Variants in VEPH1 observed in about 807,000 individuals in gnomAD.
VEPH1 encodes ventricular zone expressed PH domain containing 1.
In VEPH1, 80 loss-of-function variants were observed where a neutral mutation model predicts 85.2. The ratio of observed to expected loss-of-function variants is 0.94; its 90% CI spans 0.78 to 1.13. The LOEUF is 1.13. VEPH1 is among the 50% of genes most tolerant of loss of function. The pLI is 0.00. For synonymous variants in VEPH1, 297 were observed against 348.0 expected, an observed-to-expected ratio of 0.85 and a Z score of 1.63; for missense variants, 955 against 980.5, an observed-to-expected ratio of 0.97 and a Z score of 0.35.
At chr3:157,401,181 C>T (rs889370990) in intron 6 of VEPH1, among the ~76,000 whole-genome samples, 1 of 152,082 alleles carries the variant, frequency 6.6e-6, no homozygotes, top group Non-Finnish European at 1.5e-5. Flanking sequence ...TAACCACAGG[C>T]CTTCTGGCCC....
Position 157,458,342 on chromosome 3 carries a change from G to A in VEPH1, c.529+1839C>T, listed in dbSNP as rs150637313. Among the ~76,000 whole-genome samples the A allele has an allele frequency of 3.6e-4, 54 of 152,084 alleles. 1 individual carries two copies. In the East Asian group the frequency reaches 9.6e-3, roughly 27 times the overall value. ...TCGCCTTCAGCTCAGCTCTGATTTT[G>A]GTTATTTCTTGCCTTCTGCTAGCTT... On this transcript the variant is annotated intron_variant, in intron 4 of 13. Transcript: ENST00000362010.
chr3:157,320,115 G>A (rs1263791005), intron 9 of VEPH1, among the ~76,000 whole-genome samples: 1 of 152,130 alleles, frequency 6.6e-6, no homozygotes, highest in Non-Finnish European at 1.5e-5. Context: ...GTTGTTGGAT[G>A]AATGAATGAA....
chr3:157,414,524 A>G (rs1220233791), intron 5 of VEPH1, among the ~76,000 whole-genome samples: 1 of 152,178 alleles, frequency 6.6e-6, no homozygotes, highest in Admixed American at 6.5e-5. Flanking sequence ...AGAAATGTTT[A>G]ATAAATAAAA....
chr3:157,379,807 G>A (rs906895340), intron 7 of VEPH1, among the ~76,000 whole-genome samples: 1 of 152,254 alleles, frequency 6.6e-6, no homozygotes, highest in East Asian at 1.9e-4. Flanking sequence ...AGATGGGGTC[G>A]AGTCCATCCT....
chr3:157,354,782 C>T (rs1725246492), intron 9 of VEPH1, among the ~76,000 whole-genome samples: 1 of 152,140 alleles, frequency 6.6e-6, no homozygotes, highest in African/African-American at 2.4e-5. Flanking sequence ...CCTAGCAAAA[C>T]TTAGGGACTC....
chr3:157,322,642 AT>A (rs965857507), intron 9 of VEPH1, among the ~76,000 whole-genome samples: 1 of 152,198 alleles, frequency 6.6e-6, no homozygotes, highest in Non-Finnish European at 1.5e-5. Context: ...AGGGCTGGAC[AT>A]TTGCTCAGGG....
intron 3 of VEPH1, among the ~76,000 whole-genome samples, chr3:157,467,216 G>C (rs916889392): frequency 1.3e-4 from 19 of 151,746 alleles, no homozygotes; most frequent in Non-Finnish European, 1.9e-4. Context: ...ATGGCCAAGG[G>C]TGCAGGAAGA....
rs1404656371 is a variant in VEPH1, at chr3:157,320,112, G to GATGA, written c.1736-2915_1736-2912dup. On this transcript the variant is annotated intron_variant, in intron 9 of 13. Transcript: ENST00000362010. ...GCAGGAATGCAATAAATTGTTGTTG[G>GATGA]ATGAATGAATGAATGGATGAGTGTC... Among the ~76,000 whole-genome samples, 3 of 152,198 alleles carry GATGA rather than the reference G, an allele frequency of 2.0e-5. No homozygotes were observed. In the East Asian group the frequency reaches 5.8e-4, roughly 29 times the overall value.
chr3:157,384,814 T>C (rs1729120807), intron 6 of VEPH1, among the ~76,000 whole-genome samples: 1 of 152,016 alleles, frequency 6.6e-6, no homozygotes, highest in Non-Finnish European at 1.5e-5. Flanking sequence ...AGGAAGGGGG[T>C]TAGGAGATTC....
intron 9 of VEPH1, among the ~76,000 whole-genome samples, chr3:157,346,447 A>G (rs1395001980): frequency 6.6e-6 from 1 of 152,158 alleles, no homozygotes. Context: ...TGTTTGAAAG[A>G]CCAGTTTCTA....
Position 157,261,224 on chromosome 3 carries a change from C to G in VEPH1, c.2412G>C (p.Glu804Asp), listed in dbSNP as rs1289214726. The change falls in exon 14 of 14, where the codon GAG becomes GAC. Residue 804 changes from glutamate to aspartate, a missense_variant. Transcript: ENST00000362010. ...NKTYVFKAKD[E>D]KNAEEWLQCI... ...ACTGGAGCCATTCTTCTGCATTCTT[C>G]TCATCCTTGGCCTTAAAGACATAGG... 1 of 1,613,862 alleles carries G rather than the reference C, an allele frequency of 6.2e-7. No homozygotes were observed. Among genetic ancestry groups the G allele is most frequent in the Admixed American group, 1.7e-5 (1 of 59,980 alleles).
intron 13 of VEPH1, 117 bp from the exon 14 acceptor site, chr3:157,261,487 C>G: frequency 8.1e-6 from 12 of 1,487,210 alleles, no homozygotes; most frequent in Admixed American, 2.3e-5. Context: ...GTCTCAAGAC[C>G]TTTGTTATTT....
rs749847414 is a variant in VEPH1 at position 157,313,765 on chromosome 3, C to T, written c.1876-10G>A. ...GTTCAGGAAACAGGCTCTGAAAGGGCATTAAAGACAGAAACAGAATATACT... is the reference window on the plus strand; with the variant it reads ...GTTCAGGAAACAGGCTCTGAAAGGGTATTAAAGACAGAAACAGAATATACT... On this transcript the variant is annotated splice_polypyrimidine_tract_variant and intron_variant, in intron 10 of 13. Coordinates refer to ENST00000362010, the MANE Select transcript of VEPH1 (RefSeq NM_001167912.2). 1.2e-6 allele frequency: 2 copies of T among 1,613,840 alleles called. No individual in the cohort carries two copies. The highest frequency in any genetic ancestry group is 1.7e-6 in the Non-Finnish European group (2 of 1,179,890).
At chr3:157,327,283 G>C (rs1050308800) in intron 9 of VEPH1, among the ~76,000 whole-genome samples, 1 of 152,158 alleles carries the variant, frequency 6.6e-6, no homozygotes, top group Non-Finnish European at 1.5e-5. Context: ...AAGCATAGGA[G>C]AGATGAGAGA....
chr3:157,483,290 A>C (rs190182920), intron 2 of VEPH1, among the ~76,000 whole-genome samples: 2 of 152,136 alleles, frequency 1.3e-5, no homozygotes, highest in Admixed American at 1.3e-4. Context: ...AGCAAATACA[A>C]ACCACTTTGA....
intron 2 of VEPH1, 69 bp from the exon 3 acceptor site, chr3:157,470,598 AACTC>A: frequency 6.8e-7 from 1 of 1,477,352 alleles, no homozygotes; most frequent in Non-Finnish European, 9.4e-7. Context: ...ACAAAATACT[AACTC>A]AGTCATTTAG....
chr3:157,410,822 G>A (rs2109020847), intron 6 of VEPH1, among the ~76,000 whole-genome samples: 1 of 152,262 alleles, frequency 6.6e-6, no homozygotes, highest in East Asian at 1.9e-4. Flanking sequence ...GTAATCCAGT[G>A]TAAAGCCATT....
At chr3:157,345,156 C>T (rs998955951) in intron 9 of VEPH1, among the ~76,000 whole-genome samples, 14 of 152,164 alleles carry the variant, frequency 9.2e-5, no homozygotes, top group African/African-American at 3.4e-4. Context: ...GCAATGGCAA[C>T]AAAAGCCAAA....
chr3:157,340,536 C>T (rs990145575), intron 9 of VEPH1, among the ~76,000 whole-genome samples: 33 of 152,204 alleles, frequency 2.2e-4, no homozygotes, highest in African/African-American at 7.0e-4. Context: ...GAAGCTCAAA[C>T]TGGGTGGAGC....
Sources: allele counts gnomAD v4.1 joint callset (sites outside exome capture counted in the v4.1 genomes callset), GRCh38; gene constraint gnomAD v4.1.1; transcripts MANE v1.5; gene names NCBI Gene and HGNC (gene_info 2026-07-23, HGNC 2026-07-21).